The following PDE3B variants were observed in gnomAD, a reference collection of about 807,000 sequenced individuals.
The protein encoded by PDE3B is phosphodiesterase 3B, also known as cGMP-inhibited 3',5'-cyclic phosphodiesterase 3B.
In PDE3B, 66 loss-of-function variants were observed where a neutral mutation model predicts 116.8. That is an observed-to-expected ratio of 0.56 (90% confidence interval 0.46 to 0.69). The LOEUF (loss-of-function observed/expected upper bound fraction) is 0.69, where lower values mean the gene tolerates loss of function less well. Ranked by LOEUF, PDE3B falls within the 30% of genes least tolerant of loss-of-function variation. The pLI is 0.00. For missense variants in PDE3B, 1,384 were observed against 1,368.1 expected, an observed-to-expected ratio of 1.01 and a Z score of -0.18; for synonymous variants, 595 against 533.6, an observed-to-expected ratio of 1.12 and a Z score of -1.59.
At chr11:14,794,533 C>T (rs1041136845) in intron 4 of PDE3B, among the ~76,000 whole-genome samples, 4 of 151,980 alleles carry the variant, frequency 2.6e-5, no homozygotes, top group Non-Finnish European at 5.9e-5. Flanking sequence ...AGGCTGGTCT[C>T]GAACTCCTGA....
chr11:14,864,469 A>G, intron 14 of PDE3B, among the ~76,000 whole-genome samples: 1 of 152,174 alleles, frequency 6.6e-6, no homozygotes. Flanking sequence ...ACATCTACAG[A>G]ACTCTCCACC....
rs11023331 is a variant in PDE3B, at chr11:14,758,816, T to C, written c.979-13121T>C. ...CTTCCAACACTATGTTGAATAGGAG[T>C]GGTGAGAGAGGGCATCCCTGTCTTG... On this transcript the variant is annotated intron_variant, in intron 1 of 15. Transcript: ENST00000282096. Among the ~76,000 whole-genome samples the C allele has an allele frequency of 3.9e-3, 597 of 151,486 alleles. 2 individuals are homozygous for C. Among genetic ancestry groups the C allele is most frequent in the Non-Finnish European group, 6.6e-3 (450 of 67,922 alleles).
At chr11:14,689,779 T>C (rs1854994323) in intron 1 of PDE3B, among the ~76,000 whole-genome samples, 1 of 152,196 alleles carries the variant, frequency 6.6e-6, no homozygotes, top group South Asian at 2.1e-4. Flanking sequence ...TCCAGGTTTG[T>C]CACTTACATA....
chr11:14,724,102 AG>A (rs369928507), intron 1 of PDE3B, among the ~76,000 whole-genome samples: 1 of 151,832 alleles, frequency 6.6e-6, no homozygotes, highest in Non-Finnish European at 1.5e-5. Flanking sequence ...CAAACAAAAA[AG>A]ATGGACTAAG....
At chr11:14,734,446 C>A (rs1856544526) in intron 1 of PDE3B, among the ~76,000 whole-genome samples, 1 of 152,158 alleles carries the variant, frequency 6.6e-6, no homozygotes. Context: ...TTGGGATTAC[C>A]AAGTAAATGT....
At chr11:14,687,336 G>A (rs1162532335) in intron 1 of PDE3B, among the ~76,000 whole-genome samples, 1 of 152,104 alleles carries the variant, frequency 6.6e-6, no homozygotes, top group East Asian at 1.9e-4. Flanking sequence ...AATTTATAAT[G>A]TTATATTGAA....
Position 14,712,901 on chromosome 11 carries a change from A to G in PDE3B, c.979-59036A>G, listed in dbSNP as rs189992192. ...TGTCAGATTTAGATAATGCCTTAATATGATGTAATATCTTAAATAGTGAAC... is the reference window on the plus strand; with the variant it reads ...TGTCAGATTTAGATAATGCCTTAATGTGATGTAATATCTTAAATAGTGAAC... On this transcript the variant is annotated intron_variant, in intron 1 of 15. Coordinates refer to ENST00000282096, the MANE Select transcript of PDE3B (RefSeq NM_000922.4). Among the ~76,000 whole-genome samples, 26 of 152,366 alleles carry G rather than the reference A, an allele frequency of 1.7e-4. No homozygotes were observed. In the East Asian group the frequency reaches 5.0e-3, roughly 29 times the overall value.
chr11:14,781,103 G>A (rs1410050971), intron 2 of PDE3B, among the ~76,000 whole-genome samples: 1 of 152,106 alleles, frequency 6.6e-6, no homozygotes, highest in Admixed American at 6.5e-5. Flanking sequence ...ACCCTCCCAA[G>A]ACTAAACAGG....
chr11:14,876,640 A>G (rs575420560), downstream of PDE3B, among the ~76,000 whole-genome samples: 1 of 152,292 alleles, frequency 6.6e-6, no homozygotes, highest in African/African-American at 2.4e-5. Flanking sequence ...CACAAAAAAC[A>G]GTTTTCTGGG....
At chr11:14,765,388 G>T (rs1857471071) in intron 1 of PDE3B, among the ~76,000 whole-genome samples, 1 of 151,752 alleles carries the variant, frequency 6.6e-6, no homozygotes, top group Admixed American at 6.6e-5. Context: ...GTTTCACTGT[G>T]GTTTTGGTGG....
chr11:14,676,338 C>T (rs2133788203), intron 1 of PDE3B, among the ~76,000 whole-genome samples: 1 of 152,244 alleles, frequency 6.6e-6, no homozygotes, highest in Admixed American at 6.5e-5. Flanking sequence ...CACACCTAGG[C>T]TATATGTTAT....
chr11:14,779,044 G>A (rs1323958171), intron 2 of PDE3B, among the ~76,000 whole-genome samples: 2 of 152,090 alleles, frequency 1.3e-5, no homozygotes, highest in African/African-American at 2.4e-5. Flanking sequence ...TTCAGTAGCC[G>A]ATTCGATCAA....
chr11:14,667,122 A>G (rs565058498), intron 1 of PDE3B, among the ~76,000 whole-genome samples: 20 of 152,284 alleles, frequency 1.3e-4, no homozygotes, highest in African/African-American at 4.8e-4. Flanking sequence ...TGAGGAGTTC[A>G]TGTCCTTTGT....
chr11:14,832,901 C>A, intron 10 of PDE3B, 68 bp downstream of exon 10: 2 of 704,354 alleles, frequency 2.8e-6, no homozygotes, highest in Non-Finnish European at 4.9e-6. Flanking sequence ...TATCATCTTT[C>A]TCTTCAGATG....
chr11:14,721,888 C>A (rs976088103), intron 1 of PDE3B, among the ~76,000 whole-genome samples: 1 of 131,694 alleles, frequency 7.6e-6, no homozygotes, highest in South Asian at 2.6e-4. Flanking sequence ...AACTAACCTG[C>A]GCAATGTGCA....
At chr11:14,744,377 G>T (rs1239921942) in intron 1 of PDE3B, among the ~76,000 whole-genome samples, 1 of 152,062 alleles carries the variant, frequency 6.6e-6, no homozygotes, top group African/African-American at 2.4e-5. Context: ...GTTTGCTTTG[G>T]GTGATATTGC....
In PDE3B at chr11:14,644,233, G is replaced by T; in HGVS notation, c.158G>T (p.Arg53Leu). The T allele has an allele frequency of 3.2e-6, 5 of 1,585,966 alleles. No individual in the cohort carries two copies. The highest frequency in any genetic ancestry group is 4.3e-6 in the Non-Finnish European group (5 of 1,173,124). Reference protein sequence around the residue: ...PPRGFFFHLCRFCNVELRPPP... With the variant: ...PPRGFFFHLCLFCNVELRPPP... ...CGCGGCTTCTTCTTCCACCTCTGCC[G>T]CTTCTGCAACGTGGAGCTGCGGCCG... The change falls in exon 1 of 16, where the codon CGC becomes CTC. Residue 53 changes from arginine (R) to leucine (L), a missense_variant. By Grantham distance (102) the Arg-to-Leu change is moderately radical (BLOSUM62 -2). This residue lies in a region of PDE3B where 956 missense variants were observed against 806.8 expected (regional missense o/e 1.18). Transcript: ENST00000282096.
chr11:14,784,594 C>T (rs1297217302), intron 2 of PDE3B, among the ~76,000 whole-genome samples: 1 of 151,796 alleles, frequency 6.6e-6, no homozygotes, highest in Non-Finnish European at 1.5e-5. Flanking sequence ...TTCTAATAAC[C>T]CCAGAAAAGC....
intron 14 of PDE3B, among the ~76,000 whole-genome samples, chr11:14,864,855 T>G (rs1212397749): frequency 6.6e-6 from 1 of 152,110 alleles, no homozygotes; most frequent in Non-Finnish European, 1.5e-5. Context: ...AGAGGGAAAT[T>G]TATAGCACTA....
Sources: allele counts gnomAD v4.1 joint callset (sites outside exome capture counted in the v4.1 genomes callset), GRCh38; gene constraint gnomAD v4.1.1; regional missense constraint gnomAD v4.1.1; transcripts MANE v1.5; gene names NCBI Gene and HGNC (gene_info 2026-07-23, HGNC 2026-07-21).